DARS2: variants seen among roughly 807,000 people sequenced by gnomAD.
DARS2 encodes the protein aspartyl-tRNA synthetase 2, mitochondrial, also known as aspartate--tRNA ligase, mitochondrial.
DARS2 carries 63 observed loss-of-function variants against 83.0 expected under a neutral mutation model. That is an observed-to-expected ratio of 0.76 (90% CI 0.62 to 0.94). DARS2 has a LOEUF of 0.94. DARS2 is among the 40% of genes least tolerant of loss of function. DARS2 has a pLI of 0.00. For synonymous variants in DARS2, 250 were observed against 269.3 expected (o/e 0.93, Z 0.70); for missense variants, 675 against 774.4 (o/e 0.87, Z 1.52).
At chr1:173,855,146 C>T (rs1197187420) in intron 15 of DARS2, among the ~76,000 whole-genome samples, 1 of 151,448 alleles carries the variant, frequency 6.6e-6, no homozygotes, top group African/African-American at 2.4e-5. Flanking sequence ...CTCTGTCGCC[C>T]AGGCTGGAGT....
At chr1:173,841,532 G>A (rs1480507991) in intron 11 of DARS2, among the ~76,000 whole-genome samples, 2 of 151,692 alleles carry the variant, frequency 1.3e-5, no homozygotes, top group Non-Finnish European at 2.9e-5. Context: ...AATGCTATCA[G>A]CCAGGCATAG....
chr1:173,825,503 C>G, intron 1 of DARS2, 147 bp downstream of exon 1: 1 of 548,142 alleles, frequency 1.8e-6, no homozygotes. Context: ...GAGTCTCGCT[C>G]TGCTGCCCAG....
At chr1:173,841,204 A>G (rs1302577060) in intron 11 of DARS2, among the ~76,000 whole-genome samples, 1 of 151,932 alleles carries the variant, frequency 6.6e-6, no homozygotes, top group East Asian at 1.9e-4. Context: ...GTGAAACCCC[A>G]TCTCTACTAA....
chr1:173,853,653 A>C (rs1322709920), intron 14 of DARS2, 86 bp downstream of exon 14: 1 of 1,551,548 alleles, frequency 6.4e-7, no homozygotes, highest in Non-Finnish European at 8.9e-7. Context: ...GAAAGATAGG[A>C]CCCAGTTCTG....
rs557381995 is a variant in DARS2, at chr1:173,829,476, T to A, written c.294+1077T>A. On this transcript the variant is annotated intron_variant, in intron 3 of 16. Coordinates refer to ENST00000649689, the MANE Select transcript of DARS2 (RefSeq NM_018122.5). The stretch of plus-strand genomic sequence containing the variant: ...ACAGAGTGATATTCTGAAAAAAAAA[T>A]TTTTTTAATTAAAAAATTCAAGGCC... 6.7e-4 allele frequency among the ~76,000 whole-genome samples: 102 copies of A among 151,860 alleles called. 1 individual carries two copies. Among genetic ancestry groups the A allele is most frequent in the South Asian group, 2.9e-3 (14 of 4,804 alleles).
chr1:173,852,865 T>C (rs1303832278), intron 13 of DARS2, among the ~76,000 whole-genome samples: 5 of 152,122 alleles, frequency 3.3e-5, no homozygotes, highest in Non-Finnish European at 5.9e-5. Flanking sequence ...CACTGAACAT[T>C]AACAGTGTGC....
At chr1:173,848,001 C>T (rs1653503618) in intron 12 of DARS2, among the ~76,000 whole-genome samples, 2 of 152,052 alleles carry the variant, frequency 1.3e-5, no homozygotes, top group East Asian at 1.9e-4. Flanking sequence ...TACAGGCGCC[C>T]GCGACCACGC....
chr1:173,828,868 CTT>C (rs1311561911), intron 3 of DARS2, among the ~76,000 whole-genome samples: 2 of 152,072 alleles, frequency 1.3e-5, no homozygotes, highest in African/African-American at 4.8e-5. Context: ...GGTAAATTAT[CTT>C]ATATCTAGAC....
At position 173,857,807 on chromosome 1, in the gene DARS2, A is replaced by C; in HGVS notation, c.*102A>C. 3 of 1,255,466 alleles carry C rather than the reference A, an allele frequency of 2.4e-6. No homozygotes were observed. The highest frequency in any genetic ancestry group is 1.2e-5 in the South Asian group (1 of 80,478). 77.8% of individuals were successfully genotyped at this position (1,255,466 alleles called of 1,614,324 possible). Reference sequence around the variant, plus strand: ...AGTTCTGCCACAGGTCTAACAATCAAGTCTTTAGATGGAAGGAATCCAGGC... The same window carrying C: ...AGTTCTGCCACAGGTCTAACAATCACGTCTTTAGATGGAAGGAATCCAGGC... On this transcript the variant is annotated 3_prime_UTR_variant, in exon 17 of 17. Transcript: ENST00000649689.
chr1:173,839,255 TAC>T, intron 9 of DARS2, 110 bp from the exon 10 acceptor site: 3 of 877,450 alleles, frequency 3.4e-6, no homozygotes. Context: ...ATAATATTTA[TAC>T]CCTCTGCATG....
intron 1 of DARS2, 97 bp downstream of exon 1, chr1:173,825,453 A>T (rs1652465222): frequency 8.3e-6 from 1 of 120,036 alleles, no homozygotes. Flanking sequence ...TTCCCCCATT[A>T]TTATTATTAT....
intron 8 of DARS2, 82 bp from the exon 9 acceptor site, chr1:173,838,108 T>G: frequency 9.2e-7 from 1 of 1,090,916 alleles, no homozygotes; most frequent in Non-Finnish European, 1.4e-6. Flanking sequence ...GTTTTATAGC[T>G]TGCATTGCTT....
At chr1:173,835,730 C>T (rs897060572) in intron 7 of DARS2, among the ~76,000 whole-genome samples, 13 of 151,312 alleles carry the variant, frequency 8.6e-5, no homozygotes, top group African/African-American at 2.9e-4. Context: ...CAACCATGGC[C>T]AACATGGTGA....
intron 7 of DARS2, among the ~76,000 whole-genome samples, chr1:173,834,759 G>GTTTTTTTTTTTT (rs1652930564): frequency 9.1e-5 from 2 of 21,862 alleles, no homozygotes; most frequent in African/African-American, 4.3e-4. Flanking sequence ...TTTTTTTTTG[G>GTTTTTTTTTTTT]TTTGTTTTGG....
chr1:173,826,512 A>C (rs1652573657), intron 1 of DARS2, among the ~76,000 whole-genome samples, 175 bp from the exon 2 acceptor site: 1 of 152,176 alleles, frequency 6.6e-6, no homozygotes, highest in South Asian at 2.1e-4. Flanking sequence ...TTTGCAGGTA[A>C]ATTTAATAGT....
chr1:173,839,944 T>C (rs1467610981), intron 10 of DARS2, among the ~76,000 whole-genome samples: 1 of 152,188 alleles, frequency 6.6e-6, no homozygotes, highest in African/African-American at 2.4e-5. Flanking sequence ...AAATTATTAC[T>C]ATCTGTAAGT....
At chr1:173,826,155 C>T (rs1235548194) in intron 1 of DARS2, among the ~76,000 whole-genome samples, 1 of 150,530 alleles carries the variant, frequency 6.6e-6, no homozygotes, top group Non-Finnish European at 1.5e-5. Flanking sequence ...ACCTCGGAGG[C>T]GGAGCTTGCA....
intron 11 of DARS2, among the ~76,000 whole-genome samples, chr1:173,844,649 G>A (rs1383221674): frequency 2.9e-5 from 3 of 104,934 alleles, no homozygotes; most frequent in African/African-American, 1.2e-4. Context: ...CAGCCTGGGT[G>A]ACAGAGCTAG....
Position 173,825,449 on chromosome 1 carries a change from C to CATTATTATTATTATTATTATT in DARS2, c.127+109_127+129dup, listed in dbSNP as rs55949406. On this transcript the variant is annotated intron_variant, in intron 1 of 16. Coordinates refer to ENST00000649689, the MANE Select transcript of DARS2 (RefSeq NM_018122.5). ...TTATTCCATTTTTCATTTTTTCCCC[C>CATTATTATTATTATTATTATT]ATTATTATTATTATTATTATTATTA... The CATTATTATTATTATTATTATT allele has an allele frequency of 3.4e-3, 1,609 of 471,770 alleles. 13 individuals carry two copies. The highest frequency in any genetic ancestry group is 7.1e-3 in the African/African-American group (302 of 42,626). The allele number at this position is 471,770 out of a possible 1,614,324, so 29.2% of individuals were successfully genotyped here.
Sources: gnomAD v4.1 joint callset for allele counts (sites outside exome capture counted in the v4.1 genomes callset) on GRCh38, gnomAD v4.1.1 for gene constraint, MANE v1.5 for transcripts, NCBI Gene and HGNC (gene_info 2026-07-23, HGNC 2026-07-21) for gene names.